Variants in LRMDA observed in about 807,000 individuals in gnomAD.
The protein encoded by LRMDA is leucine-rich melanocyte differentiation-associated protein.
LRMDA carries 18 observed loss-of-function variants against 29.8 expected under a neutral mutation model. That is an observed-to-expected ratio of 0.60 (90% CI 0.42 to 0.90). The LOEUF (loss-of-function observed/expected upper bound fraction) is 0.90, where lower values mean the gene tolerates loss of function less well. Ranked by LOEUF, LRMDA falls within the 40% of genes least tolerant of loss-of-function variation. The pLI is 0.00. For synonymous variants in LRMDA, 125 were observed against 109.4 expected (o/e 1.14, Z -0.89); for missense variants, 273 against 273.9 (o/e 1.00, Z 0.02).
chr10:76,072,653 C>G (rs1232978283), intron 5 of LRMDA, among the ~76,000 whole-genome samples: 1 of 152,132 alleles, frequency 6.6e-6, no homozygotes, highest in Non-Finnish European at 1.5e-5. Flanking sequence ...AAGGAACAAG[C>G]ATGGGAGAAT....
At chr10:75,887,167 T>C (rs1236697485) in intron 2 of LRMDA, among the ~76,000 whole-genome samples, 3 of 150,150 alleles carry the variant, frequency 2.0e-5, no homozygotes, top group African/African-American at 7.3e-5. Flanking sequence ...AATATTTATA[T>C]ATAAATATAT....
intron 1 of LRMDA, among the ~76,000 whole-genome samples, chr10:75,434,446 G>A (rs2132018984): frequency 6.6e-6 from 1 of 152,290 alleles, no homozygotes; most frequent in East Asian, 1.9e-4. Flanking sequence ...AGGAGTTAGT[G>A]TTAGCCCAGT....
At chr10:75,890,489 C>T (rs529591152) in intron 2 of LRMDA, among the ~76,000 whole-genome samples, 4 of 151,822 alleles carry the variant, frequency 2.6e-5, no homozygotes, top group Admixed American at 1.3e-4. Context: ...TTCATCTTTG[C>T]TGGTGATATA....
rs556695699 is a variant in LRMDA, at chr10:75,913,461, GA to G, written c.132-122539del. ...ACACAGCGAGACTCCGTCTTGGGGGGAAAAAAAATTCTTCTGCCTGAAGTTA... is the reference window on the plus strand; with the variant it reads ...ACACAGCGAGACTCCGTCTTGGGGGGAAAAAAATTCTTCTGCCTGAAGTTA... On this transcript the variant is annotated intron_variant, in intron 2 of 6. Transcript: ENST00000611255. 2.8e-3 allele frequency among the ~76,000 whole-genome samples: 431 copies of G among 152,012 alleles called. 1 individual carries two copies. The highest frequency in any genetic ancestry group is 8.2e-3 in the African/African-American group (341 of 41,494).
intron 6 of LRMDA, among the ~76,000 whole-genome samples, chr10:76,347,231 T>C (rs150444609): frequency 8.5e-4 from 129 of 152,340 alleles, no homozygotes; most frequent in African/African-American, 2.8e-3. Context: ...AGTCCTTTTA[T>C]ATAAAACCTT....
chr10:75,872,884 T>C (rs2132334041), intron 2 of LRMDA, among the ~76,000 whole-genome samples: 1 of 152,328 alleles, frequency 6.6e-6, no homozygotes, highest in East Asian at 1.9e-4. Context: ...GTGGCTTGTC[T>C]TCTCTCCTTC....
chr10:76,212,208 T>A (rs1341048479), intron 5 of LRMDA, among the ~76,000 whole-genome samples: 2 of 150,842 alleles, frequency 1.3e-5, no homozygotes, highest in Non-Finnish European at 3.0e-5. Flanking sequence ...CACTACAGAT[T>A]TTTCTTTTTG....
In LRMDA at chr10:76,035,990, T is replaced by A. The variant is rs765494385; in HGVS notation, c.132-18T>A. The A allele has an allele frequency of 2.5e-6, 4 of 1,612,316 alleles. No individual in the cohort carries two copies. Among genetic ancestry groups the A allele is most frequent in the Non-Finnish European group, 8.5e-7 (1 of 1,179,408 alleles). ...ATTTAGTGCAGGATCATTTTTCCTG[T>A]TGCCTTTGTCATTGCAGGTCACTGG... On this transcript the variant is annotated intron_variant, in intron 2 of 6. Transcript: ENST00000611255.
At chr10:75,760,551 G>C (rs893263526) in intron 2 of LRMDA, among the ~76,000 whole-genome samples, 1 of 152,122 alleles carries the variant, frequency 6.6e-6, no homozygotes, top group Admixed American at 6.5e-5. Context: ...ATTGATATTC[G>C]AATAGTGGCA....
intron 5 of LRMDA, among the ~76,000 whole-genome samples, chr10:76,211,331 A>G (rs532348740): frequency 6.6e-6 from 1 of 152,156 alleles, no homozygotes; most frequent in African/African-American, 2.4e-5. Context: ...CCTTTTTTTC[A>G]TATGTGCTAG....
chr10:75,913,804 G>A (rs1166295538), intron 2 of LRMDA, among the ~76,000 whole-genome samples: 1 of 152,222 alleles, frequency 6.6e-6, no homozygotes, highest in Non-Finnish European at 1.5e-5. Context: ...GGGGACAGGA[G>A]AACGTCCTGG....
intron 2 of LRMDA, among the ~76,000 whole-genome samples, chr10:75,751,608 C>T (rs74360298): frequency 0.023 from 3,537 of 152,224 alleles, 125 homozygotes; most frequent in African/African-American, 0.078. Context: ...ATGGCCCTTG[C>T]CCATAGTAAG....
chr10:75,604,623 A>G (rs776409908), intron 2 of LRMDA, among the ~76,000 whole-genome samples: 132 of 152,138 alleles, frequency 8.7e-4, no homozygotes, highest in Non-Finnish European at 1.7e-3. Flanking sequence ...ATCTTGTCAA[A>G]CCCAACTAAA....
intron 2 of LRMDA, among the ~76,000 whole-genome samples, chr10:76,023,870 A>G (rs548067214): frequency 6.6e-6 from 1 of 152,306 alleles, no homozygotes; most frequent in East Asian, 1.9e-4. Context: ...ATGCACATTT[A>G]TTTTTCAAAA....
At chr10:75,434,728 A>G (rs1363399951) in intron 1 of LRMDA, among the ~76,000 whole-genome samples, 1 of 152,260 alleles carries the variant, frequency 6.6e-6, no homozygotes, top group Non-Finnish European at 1.5e-5. Flanking sequence ...CTGGGAATAC[A>G]GGTGTGCACC....
At chr10:75,756,296 A>T (rs1266104440) in intron 2 of LRMDA, among the ~76,000 whole-genome samples, 3 of 152,178 alleles carry the variant, frequency 2.0e-5, no homozygotes, top group African/African-American at 7.2e-5. Flanking sequence ...CTTAAAAGAG[A>T]GCGGGTGTTC....
intron 2 of LRMDA, among the ~76,000 whole-genome samples, chr10:76,013,813 C>A (rs1253985961): frequency 1.3e-5 from 2 of 151,808 alleles, no homozygotes; most frequent in African/African-American, 4.8e-5. Flanking sequence ...GTTAGCAGAC[C>A]CCATTGGTGC....
chr10:75,908,932 CA>C (rs1355502131), intron 2 of LRMDA, among the ~76,000 whole-genome samples: 1 of 152,076 alleles, frequency 6.6e-6, no homozygotes, highest in Non-Finnish European at 1.5e-5. Context: ...ATGAGCATGA[CA>C]TAAACATCTA....
At chr10:76,389,477 A>G (rs1841698145) in intron 6 of LRMDA, among the ~76,000 whole-genome samples, 1 of 152,208 alleles carries the variant, frequency 6.6e-6, no homozygotes, top group African/African-American at 2.4e-5. Flanking sequence ...AGTAAAATAT[A>G]TAAAACTTAA....
Sources: allele counts gnomAD v4.1 joint callset (sites outside exome capture counted in the v4.1 genomes callset), GRCh38; gene constraint gnomAD v4.1.1; transcripts MANE v1.5; gene names NCBI Gene and HGNC (gene_info 2026-07-23, HGNC 2026-07-21).